Variants in VPS41 observed in about 807,000 individuals in gnomAD.
VPS41 encodes the protein vacuolar protein sorting-associated protein 41 homolog.
A neutral mutation model predicts 130.9 loss-of-function variants in VPS41; 85 were observed. That is an observed-to-expected ratio of 0.65 (90% CI 0.55 to 0.78). The LOEUF is 0.78. Among genes scored for constraint, VPS41 ranks in the 30% least tolerant of loss-of-function variants. VPS41 has a pLI of 0.00. For synonymous variants in VPS41, 335 were observed against 332.9 expected, an observed-to-expected ratio of 1.01 and a Z score of -0.07; for missense variants, 874 against 1,018.7, an observed-to-expected ratio of 0.86 and a Z score of 1.93.
Position 38,754,907 on chromosome 7 carries a change from T to C in VPS41, c.1725A>G (p.Glu575=). Residue 575 remains glutamate (E), a synonymous_variant, in exon 20 of 29, where the codon GAA becomes GAG. Transcript: ENST00000310301. ...AAATGACACTCACTGAAATTTTATCTTCATTGTCCAAAAGCATGTCAACAG... is the reference window on the plus strand; with the variant it reads ...AAATGACACTCACTGAAATTTTATCCTCATTGTCCAAAAGCATGTCAACAG... ...EKAVDMLLDN[E]DKISIKKVVE... The C allele has an allele frequency of 6.2e-7, 1 of 1,613,694 alleles. No individual in the cohort carries two copies. Among genetic ancestry groups the C allele is most frequent in the African/African-American group, 1.3e-5 (1 of 75,052 alleles).
chr7:38,815,346 C>T (rs1380955518), intron 7 of VPS41, among the ~76,000 whole-genome samples: 2 of 152,082 alleles, frequency 1.3e-5, no homozygotes, highest in Non-Finnish European at 1.5e-5. Context: ...ATTCCTTCAA[C>T]TCGGGAGGTG....
rs1783801804 is a variant in VPS41, at chr7:38,756,741, GATT to G, written c.1695+94_1695+96del. 6.6e-5 allele frequency: 61 copies of G among 921,940 alleles called. No individual in the cohort carries two copies. The Admixed American group carries it at 1.8e-3, about 27-fold the overall frequency. The allele number at this position is 921,940 out of a possible 1,614,324, so 57.1% of individuals were successfully genotyped here. ...TTGTCGGCATAAAGCCAAGTTATGT[GATT>G]CATTCACCAATCCAGCATTTGGATA... On this transcript the variant is annotated intron_variant, in intron 19 of 28. Transcript: ENST00000310301.
At chr7:38,788,979 C>T (rs1784487930) in intron 10 of VPS41, among the ~76,000 whole-genome samples, 1 of 152,148 alleles carries the variant, frequency 6.6e-6, no homozygotes, top group Admixed American at 6.5e-5. Flanking sequence ...ACCCATCCAC[C>T]AAGCAAATGG....
intron 2 of VPS41, among the ~76,000 whole-genome samples, chr7:38,896,039 G>A (rs1300961388): frequency 1.3e-5 from 2 of 152,130 alleles, no homozygotes; most frequent in East Asian, 3.8e-4. Flanking sequence ...CACTTGCACT[G>A]AAGTTTGTAT....
chr7:38,739,623 G>C (rs981345089), intron 25 of VPS41, among the ~76,000 whole-genome samples: 1 of 152,182 alleles, frequency 6.6e-6, no homozygotes, highest in Non-Finnish European at 1.5e-5. Context: ...TGCCCCCGGA[G>C]AGCATTTTCT....
intron 2 of VPS41, among the ~76,000 whole-genome samples, chr7:38,894,038 G>GA (rs1786924464): frequency 2.0e-5 from 3 of 152,108 alleles, no homozygotes; most frequent in South Asian, 2.1e-4. Flanking sequence ...TTATATGGTT[G>GA]AAAACACTAC....
At chr7:38,794,696 T>A (rs1273680056) in intron 9 of VPS41, among the ~76,000 whole-genome samples, 1 of 152,240 alleles carries the variant, frequency 6.6e-6, no homozygotes, top group Non-Finnish European at 1.5e-5. Context: ...ATCCCAGGTC[T>A]GTCTGGCCTC....
At position 38,758,429 on chromosome 7, in the gene VPS41, A is replaced by C; in HGVS notation, c.1475T>G (p.Val492Gly). 3 of 1,613,462 alleles carry C rather than the reference A, an allele frequency of 1.9e-6. No individual in the cohort carries two copies. Among genetic ancestry groups the C allele is most frequent in the Non-Finnish European group, 2.5e-6 (3 of 1,179,604 alleles). ...ATGATCCCGAACTGCTTGAACTATG[A>C]CTGAATTATTATACAGATCTCCAGG... is the stretch of plus-strand genomic sequence containing the variant. Reference protein sequence around the residue: ...EWPGDLYNNSVIVQAVRDHLK... With the variant: ...EWPGDLYNNSGIVQAVRDHLK... The change falls in exon 18 of 29, where the codon GTC becomes GGC. Residue 492 changes from valine (V) to glycine (G), a missense_variant. Val to Gly is a moderately radical substitution (Grantham distance 109, BLOSUM62 -3). Transcript: ENST00000310301.
At chr7:38,793,953 T>C (rs558572505) in intron 9 of VPS41, among the ~76,000 whole-genome samples, 1 of 152,212 alleles carries the variant, frequency 6.6e-6, no homozygotes, top group Non-Finnish European at 1.5e-5. Context: ...TTTTGCTAAA[T>C]AAAGTAATAT....
chr7:38,901,352 G>A (rs1272890533), intron 1 of VPS41, among the ~76,000 whole-genome samples: 1 of 152,174 alleles, frequency 6.6e-6, no homozygotes, highest in Non-Finnish European at 1.5e-5. Flanking sequence ...AAAGAAAAGA[G>A]CGTTATTTGG....
chr7:38,851,111 A>G (rs1454905446), intron 4 of VPS41, among the ~76,000 whole-genome samples: 1 of 152,240 alleles, frequency 6.6e-6, no homozygotes, highest in Non-Finnish European at 1.5e-5. Context: ...CTATGTGTAC[A>G]GGACACTGAA....
At chr7:38,763,860 G>A (rs985797469) in intron 16 of VPS41, among the ~76,000 whole-genome samples, 1 of 152,134 alleles carries the variant, frequency 6.6e-6, no homozygotes, top group Non-Finnish European at 1.5e-5. Context: ...GATGAAAAAA[G>A]TCGACTTCTT....
At chr7:38,809,037 A>T (rs1784888619) in intron 7 of VPS41, among the ~76,000 whole-genome samples, 1 of 152,178 alleles carries the variant, frequency 6.6e-6, no homozygotes, top group Admixed American at 6.5e-5. Context: ...TAAATACTTA[A>T]AATTTACCAA....
At chr7:38,766,502 C>T (rs1784046223) in intron 15 of VPS41, among the ~76,000 whole-genome samples, 1 of 152,176 alleles carries the variant, frequency 6.6e-6, no homozygotes, top group Admixed American at 6.5e-5. Flanking sequence ...TGTCTCCCTC[C>T]TGAGGAAAGG....
chr7:38,872,046 G>A (rs184637093), intron 2 of VPS41, among the ~76,000 whole-genome samples: 2 of 152,266 alleles, frequency 1.3e-5, no homozygotes, highest in East Asian at 3.9e-4. Context: ...GCTTAGCTGA[G>A]TGGTTCACTG....
intron 4 of VPS41, among the ~76,000 whole-genome samples, chr7:38,847,848 AT>A (rs1272088273): frequency 6.6e-6 from 1 of 152,240 alleles, no homozygotes; most frequent in Non-Finnish European, 1.5e-5. Context: ...CATTCTATTT[AT>A]CTAAAATCTA....
intron 1 of VPS41, among the ~76,000 whole-genome samples, chr7:38,903,127 C>G (rs937811481): frequency 8.5e-5 from 13 of 152,156 alleles, no homozygotes; most frequent in African/African-American, 3.1e-4. Flanking sequence ...AACTGTAGGA[C>G]AGTTACAGAA....
At chr7:38,766,741 T>C (rs1444630805) in intron 15 of VPS41, among the ~76,000 whole-genome samples, 1 of 152,176 alleles carries the variant, frequency 6.6e-6, no homozygotes, top group African/African-American at 2.4e-5. Flanking sequence ...GCTCTGATGG[T>C]ATTATGAGGA....
intron 22 of VPS41, among the ~76,000 whole-genome samples, chr7:38,749,331 T>C (rs1273543173): frequency 2.0e-5 from 3 of 152,154 alleles, no homozygotes; most frequent in African/African-American, 4.8e-5. Flanking sequence ...AATTAGCCAA[T>C]TGTTGGCAAA....
Sources: allele counts gnomAD v4.1 joint callset (sites outside exome capture counted in the v4.1 genomes callset), GRCh38; gene constraint gnomAD v4.1.1; transcripts MANE v1.5; gene names NCBI Gene and HGNC (gene_info 2026-07-23, HGNC 2026-07-21).